Variants in GABRG3 observed in about 807,000 individuals in gnomAD.
GABRG3 encodes gamma-aminobutyric acid type A receptor subunit gamma3.
In GABRG3, 25 loss-of-function variants were observed where a neutral mutation model predicts 48.8. The observed-to-expected ratio is 0.51, with a 90% CI of 0.37 to 0.72. The LOEUF (loss-of-function observed/expected upper bound fraction) is 0.72. Ranked by LOEUF, GABRG3 falls within the 30% of genes least tolerant of loss-of-function variation. GABRG3 has a pLI of 0.00. For missense variants in GABRG3, 394 were observed against 577.9 expected, an observed-to-expected ratio of 0.68 and a Z score of 3.26; for synonymous variants, 227 against 217.6, an observed-to-expected ratio of 1.04 and a Z score of -0.38.
chr15:27,221,866 A>G (rs1293833326), intron 3 of GABRG3, among the ~76,000 whole-genome samples: 3 of 152,126 alleles, frequency 2.0e-5, no homozygotes, highest in African/African-American at 7.2e-5. Context: ...GCTGTTTTCT[A>G]TCTATATTTT....
chr15:27,245,633 GGAGGCT>G (rs1180130953), intron 3 of GABRG3, among the ~76,000 whole-genome samples: 1 of 149,198 alleles, frequency 6.7e-6, no homozygotes, highest in African/African-American at 2.5e-5. Flanking sequence ...CAGCACTTTG[GGAGGCT>G]GAGGCAGGTG....
intron 5 of GABRG3, chr15:27,428,354 T>C (rs1366172742): frequency 3.3e-5 from 5 of 152,328 alleles, no homozygotes; most frequent in African/African-American, 4.8e-5. Context: ...AGTACTGTCA[T>C]GTAATTCACA....
At chr15:27,146,183 G>A (rs1164990404) in intron 3 of GABRG3, among the ~76,000 whole-genome samples, 1 of 152,122 alleles carries the variant, frequency 6.6e-6, no homozygotes, top group African/African-American at 2.4e-5. Flanking sequence ...TGCCAGGCAC[G>A]GTGGCTCAAA....
At chr15:27,368,667 C>T (rs1895293385) in intron 5 of GABRG3, among the ~76,000 whole-genome samples, 1 of 152,206 alleles carries the variant, frequency 6.6e-6, no homozygotes, top group Non-Finnish European at 1.5e-5. Context: ...GGGGTGCAGT[C>T]ACTTCCTCAG....
intron 3 of GABRG3, among the ~76,000 whole-genome samples, chr15:27,168,254 A>G (rs1887446068): frequency 6.6e-6 from 1 of 152,088 alleles, no homozygotes; most frequent in Non-Finnish European, 1.5e-5. Flanking sequence ...TGAGCATTTG[A>G]AGGTTGAAGC....
chr15:27,027,660 A>C (rs1281603479), intron 3 of GABRG3, among the ~76,000 whole-genome samples: 1 of 152,204 alleles, frequency 6.6e-6, no homozygotes, highest in East Asian at 1.9e-4. Context: ...GGTTCCATGC[A>C]GGGGTAAAGT....
At chr15:27,145,303 G>A (rs1437568954) in intron 3 of GABRG3, among the ~76,000 whole-genome samples, 1 of 151,440 alleles carries the variant, frequency 6.6e-6, no homozygotes, top group Non-Finnish European at 1.5e-5. Context: ...CTAAAAAGAA[G>A]TAAGAAAGAC....
chr15:27,401,551 C>G (rs1256091801), intron 5 of GABRG3, among the ~76,000 whole-genome samples: 1 of 152,148 alleles, frequency 6.6e-6, no homozygotes, highest in Non-Finnish European at 1.5e-5. Context: ...ATTTAAATTT[C>G]TCCCTCTCTT....
chr15:27,467,869 A>G (rs781197313), intron 5 of GABRG3, among the ~76,000 whole-genome samples: 100 of 152,362 alleles, frequency 6.6e-4, no homozygotes, highest in Non-Finnish European at 1.3e-3. Context: ...ACCTGGGTCC[A>G]AAAATGCTAA....
At chr15:27,395,449 A>G (rs1361682548) in intron 5 of GABRG3, among the ~76,000 whole-genome samples, 1 of 152,246 alleles carries the variant, frequency 6.6e-6, no homozygotes, top group Non-Finnish European at 1.5e-5. Flanking sequence ...TTGGAAAAAA[A>G]GAACAAATCT....
chr15:27,205,079 C>G (rs1888810068), intron 3 of GABRG3, among the ~76,000 whole-genome samples: 1 of 151,964 alleles, frequency 6.6e-6, no homozygotes, highest in South Asian at 2.1e-4. Context: ...CTATCTAGGA[C>G]TTCCAGTACT....
At position 27,217,592 on chromosome 15, in the gene GABRG3, C is replaced by T. The variant is rs1214195159; in HGVS notation, c.271-109217C>T. 2.0e-5 allele frequency among the ~76,000 whole-genome samples: 3 copies of T among 152,316 alleles called. No individual in the cohort carries two copies. In the East Asian group the frequency reaches 5.8e-4, roughly 29 times the overall value. On this transcript the variant is annotated intron_variant, in intron 3 of 9. Coordinates refer to ENST00000615808, the MANE Select transcript of GABRG3 (RefSeq NM_033223.5). Reference sequence around the variant, plus strand: ...GGAGCCTCCAGGATCCTGCTCCGTGCTGTGGCCTCAGAATTTTGTATCTCA... The same window carrying T: ...GGAGCCTCCAGGATCCTGCTCCGTGTTGTGGCCTCAGAATTTTGTATCTCA...
chr15:27,388,335 G>A (rs1389987716), intron 5 of GABRG3, among the ~76,000 whole-genome samples: 1 of 61,566 alleles, frequency 1.6e-5, no homozygotes, highest in Non-Finnish European at 3.3e-5. Context: ...AGGAAGGAAG[G>A]AAAGGTGGGA....
chr15:27,238,929 A>T (rs1480907984), intron 3 of GABRG3, among the ~76,000 whole-genome samples: 1 of 152,240 alleles, frequency 6.6e-6, no homozygotes, highest in Non-Finnish European at 1.5e-5. Context: ...CCAACAAACA[A>T]AATAAACAAA....
chr15:27,056,281 G>C (rs1448912416), intron 3 of GABRG3, among the ~76,000 whole-genome samples: 1 of 146,882 alleles, frequency 6.8e-6, no homozygotes, highest in Non-Finnish European at 1.5e-5. Context: ...AGCCTGGGGG[G>C]AACTGAGGCC....
intron 3 of GABRG3, among the ~76,000 whole-genome samples, chr15:27,063,038 G>A (rs1404389643): frequency 6.6e-6 from 1 of 152,196 alleles, no homozygotes; most frequent in Admixed American, 6.5e-5. Flanking sequence ...AATGTAAACA[G>A]CAGGTGACGC....
At chr15:27,205,824 C>G (rs1302686158) in intron 3 of GABRG3, among the ~76,000 whole-genome samples, 1 of 151,762 alleles carries the variant, frequency 6.6e-6, no homozygotes, top group East Asian at 1.9e-4. Flanking sequence ...AGGAATTTAT[C>G]AATTTCTTCT....
chr15:27,477,990 A>T (rs1489835351), intron 5 of GABRG3, among the ~76,000 whole-genome samples: 2 of 151,514 alleles, frequency 1.3e-5, no homozygotes, highest in East Asian at 3.9e-4. Flanking sequence ...GCTTGCAGTG[A>T]GCTGAGATCG....
intron 6 of GABRG3, among the ~76,000 whole-genome samples, chr15:27,513,156 T>G (rs1890936927): frequency 6.6e-6 from 1 of 151,794 alleles, no homozygotes. Context: ...TCATAAAAAA[T>G]GAAAGCCACG....
Sources: allele counts gnomAD v4.1 joint callset (sites outside exome capture counted in the v4.1 genomes callset), GRCh38; gene constraint gnomAD v4.1.1; transcripts MANE v1.5; gene names NCBI Gene and HGNC (gene_info 2026-07-23, HGNC 2026-07-21).